GNA12: variants seen among roughly 807,000 people sequenced by gnomAD.
GNA12 encodes G protein subunit alpha 12.
GNA12 carries 9 observed loss-of-function variants against 26.0 expected under a neutral mutation model. That is an observed-to-expected ratio of 0.35 (90% CI 0.21 to 0.60). GNA12 has a LOEUF of 0.60. Ranked by LOEUF, GNA12 falls within the 20% of genes least tolerant of loss-of-function variation. The probability of loss-of-function intolerance (pLI) is 0.78; values close to 1 mark genes in which losing one functional copy is unlikely to be tolerated. For missense variants in GNA12, 405 were observed against 525.8 expected, an observed-to-expected ratio of 0.77 and a Z score of 2.25; for synonymous variants, 264 against 219.6, an observed-to-expected ratio of 1.20 and a Z score of -1.79.
At chr7:2,836,620 C>T (rs1268917022) in intron 1 of GNA12, among the ~76,000 whole-genome samples, 1 of 152,144 alleles carries the variant, frequency 6.6e-6, no homozygotes, top group Non-Finnish European at 1.5e-5. Context: ...CAATGCCCGT[C>T]CTATTCCAAA....
At position 2,842,242 on chromosome 7, in the gene GNA12, A is replaced by G. The variant is rs547160295; in HGVS notation, c.309+1611T>C. Among the ~76,000 whole-genome samples, 12 of 152,276 alleles carry G rather than the reference A, an allele frequency of 7.9e-5. 1 individual carries two copies. The highest frequency in any genetic ancestry group is 2.6e-4 in the African/African-American group (11 of 41,540). On this transcript the variant is annotated intron_variant, in intron 1 of 3. Transcript: ENST00000275364. ...TTCCCTCATCATCAGTTTCCTCCAG[A>G]TCTTCCTTGAGGCCCTTTAACACAG... is the stretch of plus-strand genomic sequence containing the variant.
intron 1 of GNA12, among the ~76,000 whole-genome samples, chr7:2,795,467 C>A (rs1465342885): frequency 6.6e-6 from 1 of 151,610 alleles, no homozygotes; most frequent in Non-Finnish European, 1.5e-5. Context: ...CCTGCTTCTA[C>A]AAAAAATTAA....
intron 2 of GNA12, among the ~76,000 whole-genome samples, chr7:2,773,426 G>C (rs558723485): frequency 6.6e-6 from 1 of 152,276 alleles, no homozygotes; most frequent in East Asian, 1.9e-4. Context: ...GCCAGGCGTG[G>C]TGGTGGGCAT....
chr7:2,800,506 A>G (rs1282902118), intron 1 of GNA12, among the ~76,000 whole-genome samples: 1 of 152,166 alleles, frequency 6.6e-6, no homozygotes, highest in Non-Finnish European at 1.5e-5. Context: ...TGTCATAACC[A>G]CTGGGAAAAA....
chr7:2,748,591 T>C (rs918652967), intron 2 of GNA12, among the ~76,000 whole-genome samples: 11 of 152,258 alleles, frequency 7.2e-5, no homozygotes, highest in Middle Eastern at 3.4e-3. Context: ...ATTCAGGACA[T>C]AGGCATGGGC....
intron 1 of GNA12, among the ~76,000 whole-genome samples, chr7:2,824,082 T>C (rs184504977): frequency 2.8e-4 from 43 of 152,290 alleles, no homozygotes; most frequent in African/African-American, 9.6e-4. Context: ...AATGGTATTT[T>C]CAACATCAAC....
intron 1 of GNA12, among the ~76,000 whole-genome samples, chr7:2,812,647 A>ACATCACATCACATCACATCACATCACAT (rs1324804956): frequency 1.3e-5 from 1 of 79,738 alleles, no homozygotes. Context: ...ACATCACATC[A>ACATCACATCACATCACATCACATCACAT]CATCACATCA....
chr7:2,780,659 C>T (rs1394376406), intron 2 of GNA12, among the ~76,000 whole-genome samples: 1 of 152,050 alleles, frequency 6.6e-6, no homozygotes, highest in Admixed American at 6.5e-5. Flanking sequence ...ACTATATGTA[C>T]TCTTTTGTGT....
At position 2,762,850 on chromosome 7, in the gene GNA12, C is replaced by A. The variant is rs571438333; in HGVS notation, c.526-29349G>T. The A allele has an allele frequency of 8.0e-5, 119 of 1,482,174 alleles. 1 individual carries two copies. In the African/African-American group the frequency reaches 1.1e-3, roughly 14 times the overall value. 91.8% of individuals were successfully genotyped at this position (1,482,174 alleles called of 1,614,324 possible). A position where few individuals can be genotyped will look rare whatever the true frequency, so the allele number is the denominator to read the frequency against. ...ACACCCAGTCAGCGCGGCTCCGAAG[C>A]AGGAGAGGGCCAGCTCCGAGCCCTG... is the stretch of plus-strand genomic sequence containing the variant. On this transcript the variant is annotated intron_variant, in intron 2 of 3. Transcript: ENST00000275364.
At chr7:2,788,064 G>C (rs1019020400) in intron 2 of GNA12, among the ~76,000 whole-genome samples, 23 of 152,142 alleles carry the variant, frequency 1.5e-4, no homozygotes, top group African/African-American at 5.5e-4. Flanking sequence ...GGCTGAGGGA[G>C]AATCGCTTGA....
At chr7:2,786,265 A>C (rs2115443368) in intron 2 of GNA12, among the ~76,000 whole-genome samples, 1 of 152,360 alleles carries the variant, frequency 6.6e-6, no homozygotes, top group African/African-American at 2.4e-5. Flanking sequence ...GGTGACACAC[A>C]CAAGGACTAT....
intron 1 of GNA12, among the ~76,000 whole-genome samples, chr7:2,819,341 C>G (rs1562444528): frequency 6.6e-6 from 1 of 152,200 alleles, no homozygotes; most frequent in Admixed American, 6.5e-5. Flanking sequence ...TCCTGTTAGT[C>G]TCATGACACT....
At chr7:2,839,164 AC>A (rs1387614509) in intron 1 of GNA12, among the ~76,000 whole-genome samples, 4 of 152,232 alleles carry the variant, frequency 2.6e-5, no homozygotes, top group Non-Finnish European at 4.4e-5. Context: ...AAGAAGTGAA[AC>A]CATACACAGT....
chr7:2,758,386 G>A (rs760236325), intron 2 of GNA12, among the ~76,000 whole-genome samples: 5 of 152,184 alleles, frequency 3.3e-5, no homozygotes, highest in Non-Finnish European at 7.3e-5. Context: ...GCTTGCACAT[G>A]AAAGAGGGTG....
At chr7:2,744,078 G>T (rs558848285) in intron 2 of GNA12, among the ~76,000 whole-genome samples, 1 of 152,354 alleles carries the variant, frequency 6.6e-6, no homozygotes, top group South Asian at 2.1e-4. Context: ...GCCTCTGTAG[G>T]TTCCCCCTCT....
At chr7:2,838,876 A>G (rs1182171) in intron 1 of GNA12, among the ~76,000 whole-genome samples, 38,035 of 152,134 alleles carry the variant, frequency 0.25, 5,299 homozygotes, top group Non-Finnish European at 0.3. Context: ...CACACAACAG[A>G]ACCTCAAAAT....
At chr7:2,747,983 C>G (rs578135405) in intron 2 of GNA12, among the ~76,000 whole-genome samples, 35 of 150,950 alleles carry the variant, frequency 2.3e-4, no homozygotes, top group Middle Eastern at 3.4e-3. Context: ...AGGAGAACTA[C>G]AAACCACTGC....
At chr7:2,814,294 G>A in intron 1 of GNA12, 1 of 1,375,256 alleles carries the variant, frequency 7.3e-7, no homozygotes, top group South Asian at 1.2e-5. Flanking sequence ...CCGAGGAGTT[G>A]AACGGAGTGA....
At chr7:2,840,890 C>T (rs1363819616) in intron 1 of GNA12, among the ~76,000 whole-genome samples, 1 of 151,718 alleles carries the variant, frequency 6.6e-6, no homozygotes, top group Middle Eastern at 3.2e-3. Context: ...AGTCTCTTCT[C>T]AAAGTGATCT....
Sources: gnomAD v4.1 joint callset for allele counts (sites outside exome capture counted in the v4.1 genomes callset) on GRCh38, gnomAD v4.1.1 for gene constraint, MANE v1.5 for transcripts, NCBI Gene and HGNC (gene_info 2026-07-23, HGNC 2026-07-21) for gene names.